YTHDC2: variants seen among roughly 807,000 people sequenced by gnomAD.
The protein encoded by YTHDC2 is 3'-5' RNA helicase YTHDC2.
Under a neutral mutation model 174.9 loss-of-function variants are expected in YTHDC2, and 45 were observed. The ratio of observed to expected loss-of-function variants is 0.26; its 90% confidence interval spans 0.20 to 0.33. YTHDC2 has a LOEUF of 0.33. Ranked by LOEUF, YTHDC2 falls within the 10% of genes least tolerant of loss-of-function variation. The pLI is 1.00. For missense variants in YTHDC2, 1,650 were observed against 1,723.7 expected, an observed-to-expected ratio of 0.96 and a Z score of 0.76; for synonymous variants, 657 against 574.5, an observed-to-expected ratio of 1.14 and a Z score of -2.05.
chr5:113,585,174 T>C (rs57077871), intron 26 of YTHDC2, among the ~76,000 whole-genome samples: 31,139 of 151,796 alleles, frequency 0.21, 3,636 homozygotes, highest in Admixed American at 0.34. Flanking sequence ...CTTTCTATTG[T>C]TAATTGGTTT....
Position 113,567,427 on chromosome 5 carries a change from T to TATATATATATATATAA in YTHDC2, c.3048+130_3048+131insATATATATATATATAA, listed in dbSNP as rs138503872. 941 of 374,988 alleles carry TATATATATATATATAA rather than the reference T, an allele frequency of 2.5e-3. 24 individuals are homozygous for TATATATATATATATAA. The highest frequency in any genetic ancestry group is 0.023 in the African/African-American group (889 of 39,506). 23.2% of individuals were successfully genotyped at this position (374,988 alleles called of 1,614,324 possible). ...AGTTATATATATATATATATATATA[T>TATATATATATATATAA]CATTAAATATTGGAACAAAACTTAT... On this transcript the variant is annotated intron_variant, in intron 22 of 29. Coordinates refer to ENST00000161863, the MANE Select transcript of YTHDC2 (RefSeq NM_022828.5).
intron 7 of YTHDC2, among the ~76,000 whole-genome samples, chr5:113,536,022 A>G (rs1775044191): frequency 6.6e-6 from 1 of 152,206 alleles, no homozygotes; most frequent in African/African-American, 2.4e-5. Context: ...CTTAAAAGGA[A>G]ATATGCTTTA....
chr5:113,554,647 G>A (rs1776478761), intron 16 of YTHDC2, among the ~76,000 whole-genome samples: 1 of 151,778 alleles, frequency 6.6e-6, no homozygotes, highest in Non-Finnish European at 1.5e-5. Flanking sequence ...CCTTCATACT[G>A]CAAGGCAGAT....
intron 16 of YTHDC2, among the ~76,000 whole-genome samples, chr5:113,554,465 AGC>A (rs1776468172): frequency 6.6e-6 from 1 of 152,044 alleles, no homozygotes; most frequent in Admixed American, 6.6e-5. Context: ...CCTCACCTAT[AGC>A]AGGTGTTCAA....
intron 28 of YTHDC2, chr5:113,592,615 T>C (rs912347926): frequency 6.6e-6 from 1 of 152,584 alleles, no homozygotes; most frequent in Non-Finnish European, 1.5e-5. Context: ...CAATTTTATA[T>C]AGGAGAAAAT....
intron 10 of YTHDC2, among the ~76,000 whole-genome samples, chr5:113,545,342 A>G (rs1256776308): frequency 6.8e-6 from 1 of 147,710 alleles, no homozygotes; most frequent in African/African-American, 2.5e-5. Flanking sequence ...TTTATTTTTT[A>G]AAGCTCATTA....
intron 7 of YTHDC2, among the ~76,000 whole-genome samples, chr5:113,538,584 T>C (rs893352244): frequency 2.0e-5 from 3 of 151,940 alleles, no homozygotes; most frequent in Non-Finnish European, 4.4e-5. Flanking sequence ...CATATGGCTT[T>C]GTTATTTTGT....
At chr5:113,588,567 T>C (rs1051347206) in intron 26 of YTHDC2, among the ~76,000 whole-genome samples, 1 of 151,896 alleles carries the variant, frequency 6.6e-6, no homozygotes, top group African/African-American at 2.4e-5. Context: ...ATTTCTTCCT[T>C]GAATATTTGA....
chr5:113,541,262 G>A, intron 9 of YTHDC2, 146 bp downstream of exon 9: 7 of 888,674 alleles, frequency 7.9e-6, no homozygotes, highest in Non-Finnish European at 1.2e-5. Flanking sequence ...CGTGATCTCG[G>A]CTCACTGCAA....
intron 28 of YTHDC2, chr5:113,592,614 A>G (rs1420089704): frequency 6.6e-6 from 1 of 152,616 alleles, no homozygotes; most frequent in Admixed American, 6.6e-5. Flanking sequence ...CCAATTTTAT[A>G]TAGGAGAAAA....
At position 113,590,702 on chromosome 5, in the gene YTHDC2, C is replaced by A. The variant is rs115143930; in HGVS notation, c.3826-339C>A. Among the ~76,000 whole-genome samples the A allele has an allele frequency of 4.8e-3, 732 of 152,328 alleles. 9 individuals carry two copies. Among genetic ancestry groups the A allele is most frequent in the African/African-American group, 0.017 (702 of 41,588 alleles). ...TTTTTCTTTGTCCTCTGAAAACTGC[C>A]TCCAGGCAGTAAGCTGGAGAAGTAT... On this transcript the variant is annotated intron_variant, in intron 26 of 29. Transcript: ENST00000161863.
intron 4 of YTHDC2, 44 bp downstream of exon 4, chr5:113,526,829 ATATAT>A: frequency 5.4e-6 from 1 of 184,266 alleles, no homozygotes. Flanking sequence ...AAAAAAAAAT[ATATAT>A]ATATATATAT....
chr5:113,582,877 G>A (rs1778478969), intron 25 of YTHDC2: 1 of 152,166 alleles, frequency 6.6e-6, no homozygotes, highest in Admixed American at 6.5e-5. Flanking sequence ...CTTGTAAAAT[G>A]TGTGCTGAAC....
In YTHDC2 at chr5:113,548,579, A is replaced by G; in HGVS notation, c.1534A>G (p.Met512Val). Residue 512 changes from methionine to valine, a missense_variant, in exon 11 of 30, where the codon ATG becomes GTG. By Grantham distance (21) the Met-to-Val change is conservative. Transcript: ENST00000161863. ...RHSETSATAL[M>V]VAAGRGFASQ... ...TAGTGAAACCAGTGCAACAGCTCTG[A>G]TGGTTGCTGCAGGACGTGGCTTTGC... 6.2e-7 allele frequency: 1 copy of G among 1,613,242 alleles called. No homozygotes were observed. Among genetic ancestry groups the G allele is most frequent in the East Asian group, 2.2e-5 (1 of 44,838 alleles).
chr5:113,534,449 T>C, intron 6 of YTHDC2, 42 bp downstream of exon 6: 2 of 1,539,090 alleles, frequency 1.3e-6, no homozygotes, highest in Non-Finnish European at 9.0e-7. Flanking sequence ...CTCAGATTGC[T>C]TAAAATTTAA....
chr5:113,533,451 A>G (rs1774830168), intron 5 of YTHDC2, among the ~76,000 whole-genome samples: 2 of 151,810 alleles, frequency 1.3e-5, no homozygotes, highest in African/African-American at 4.8e-5. Context: ...CGGGAGGCTG[A>G]GGCAGGAGAA....
chr5:113,585,944 T>C (rs559308773), intron 26 of YTHDC2, among the ~76,000 whole-genome samples: 1 of 152,142 alleles, frequency 6.6e-6, no homozygotes, highest in Admixed American at 6.5e-5. Flanking sequence ...ATAAAGTTGC[T>C]AACATTGTAC....
chr5:113,554,216 T>C (rs551058684), intron 16 of YTHDC2, among the ~76,000 whole-genome samples, 194 bp downstream of exon 16: 1 of 152,072 alleles, frequency 6.6e-6, no homozygotes, highest in South Asian at 2.1e-4. Flanking sequence ...ATACTAAATA[T>C]TGATTTTACT....
chr5:113,553,301 A>C lies in YTHDC2; in HGVS notation c.1809A>C (p.Lys603Asn). The stretch of plus-strand genomic sequence containing the variant: ...ATCATCATAGTTTCGATGATGAAAA[A>C]GTAGACTTGGATTTGATCATGCATC... ...KAYHHSFDDE[K>N]VDLDLIMHLL... The change falls in exon 13 of 30, where the codon AAA becomes AAC. Residue 603 changes from lysine (K) to asparagine (N), a missense_variant. By Grantham distance (94) the Lys-to-Asn change is moderately conservative. This residue lies in a region of YTHDC2 where 411 missense variants were observed against 380.6 expected (regional missense o/e 1.08). Coordinates refer to ENST00000161863, the MANE Select transcript of YTHDC2 (RefSeq NM_022828.5). 1 of 1,612,182 alleles carries C rather than the reference A, an allele frequency of 6.2e-7. No homozygotes were observed. Among genetic ancestry groups the C allele is most frequent in the Non-Finnish European group, 8.5e-7 (1 of 1,179,074 alleles).
Sources: allele counts gnomAD v4.1 joint callset (sites outside exome capture counted in the v4.1 genomes callset), GRCh38; gene constraint gnomAD v4.1.1; regional missense constraint gnomAD v4.1.1; transcripts MANE v1.5; gene names NCBI Gene and HGNC (gene_info 2026-07-23, HGNC 2026-07-21).